The following PCDH9 variants were observed in gnomAD, a reference collection of about 807,000 sequenced individuals.
PCDH9 encodes the protein protocadherin 9, also known as protocadherin-9.
A neutral mutation model predicts 70.6 loss-of-function variants in PCDH9; 24 were observed. The ratio of observed to expected loss-of-function variants is 0.34; its 90% CI spans 0.25 to 0.48. The LOEUF (loss-of-function observed/expected upper bound fraction) is 0.48, where lower values mean the gene tolerates loss of function less well. Ranked by LOEUF, PCDH9 falls within the 20% of genes least tolerant of loss-of-function variation. The pLI is 0.99. For synonymous variants in PCDH9, 562 were observed against 558.5 expected (o/e 1.01, Z -0.09); for missense variants, 1,281 against 1,503.6 (o/e 0.85, Z 2.45).
chr13:67,020,924 G>A (rs563948110), intron 2 of PCDH9, among the ~76,000 whole-genome samples: 3 of 152,308 alleles, frequency 2.0e-5, no homozygotes, highest in Non-Finnish European at 4.4e-5. Flanking sequence ...TAGAACACCA[G>A]TGAAAATTTG....
chr13:66,970,425 T>G (rs535011468), intron 2 of PCDH9, among the ~76,000 whole-genome samples: 6 of 151,616 alleles, frequency 4.0e-5, no homozygotes, highest in African/African-American at 1.5e-4. Context: ...GGCCAGGAGT[T>G]CAAGACCAGC....
intron 3 of PCDH9, among the ~76,000 whole-genome samples, chr13:66,794,250 A>G (rs1190102086): frequency 2.0e-5 from 3 of 152,122 alleles, no homozygotes; most frequent in Non-Finnish European, 1.5e-5. Flanking sequence ...GAAGGAAGGA[A>G]GAAAGGCAAG....
chr13:66,623,742 A>T (rs2077463816), intron 4 of PCDH9, among the ~76,000 whole-genome samples: 1 of 152,194 alleles, frequency 6.6e-6, no homozygotes, highest in Non-Finnish European at 1.5e-5. Flanking sequence ...CCCGAGTCAT[A>T]CTCAGCAGTT....
chr13:66,910,652 T>G (rs1428868890), intron 2 of PCDH9, among the ~76,000 whole-genome samples: 1 of 152,182 alleles, frequency 6.6e-6, no homozygotes, highest in Non-Finnish European at 1.5e-5. Flanking sequence ...TTTTCTTTGT[T>G]TAGAAATTCT....
At chr13:66,730,911 A>C (rs1485875011) in intron 3 of PCDH9, among the ~76,000 whole-genome samples, 1 of 94,176 alleles carries the variant, frequency 1.1e-5, no homozygotes, top group African/African-American at 4.8e-5. Context: ...TTTTGTGGAG[A>C]CAGAGGTCTC....
At chr13:66,603,755 G>A (rs776619423) in intron 4 of PCDH9, among the ~76,000 whole-genome samples, 7 of 151,852 alleles carry the variant, frequency 4.6e-5, no homozygotes, top group Non-Finnish European at 1.0e-4. Context: ...TGATGTAAGA[G>A]TTTTACATTT....
At chr13:66,981,819 GC>G (rs2083776896) in intron 2 of PCDH9, among the ~76,000 whole-genome samples, 2 of 152,106 alleles carry the variant, frequency 1.3e-5, no homozygotes, top group African/African-American at 4.8e-5. Flanking sequence ...ATACTGAAGA[GC>G]AAAGTTGAAA....
chr13:66,728,405 A>T (rs965362396), intron 3 of PCDH9, among the ~76,000 whole-genome samples: 2 of 152,138 alleles, frequency 1.3e-5, no homozygotes, highest in African/African-American at 2.4e-5. Context: ...GCTGAAATTT[A>T]AAAAAATGTA....
chr13:66,560,154 T>A (rs1026138095), intron 4 of PCDH9, among the ~76,000 whole-genome samples: 1 of 152,040 alleles, frequency 6.6e-6, no homozygotes, highest in African/African-American at 2.4e-5. Flanking sequence ...TACCAACAGA[T>A]AAAGAGCCTT....
Position 66,436,185 on chromosome 13 carries a change from T to C in PCDH9, c.3341-131157A>G, listed in dbSNP as rs115945031. ...AAGTTCATTGCCATTGTGGCACTGT[T>C]AGGAGGTGGGACATCTGGGAGGTGA... On this transcript the variant is annotated intron_variant, in intron 4 of 4. Coordinates refer to ENST00000377865, the MANE Select transcript of PCDH9 (RefSeq NM_203487.3). Among the ~76,000 whole-genome samples, 1,294 of 152,284 alleles carry C rather than the reference T, an allele frequency of 8.5e-3. 19 individuals carry two copies. Among genetic ancestry groups the C allele is most frequent in the African/African-American group, 0.03 (1,248 of 41,558 alleles).
intron 2 of PCDH9, among the ~76,000 whole-genome samples, chr13:67,093,493 A>C (rs915057569): frequency 6.6e-6 from 1 of 152,060 alleles, no homozygotes; most frequent in Non-Finnish European, 1.5e-5. Flanking sequence ...AAACGAGCAA[A>C]ATTAAGATTG....
chr13:66,337,787 C>T (rs9564311), intron 4 of PCDH9, among the ~76,000 whole-genome samples: 6,288 of 151,982 alleles, frequency 0.041, 422 homozygotes, highest in East Asian at 0.32. Context: ...AATGAGATCT[C>T]GTGTTTATTT....
intron 4 of PCDH9, among the ~76,000 whole-genome samples, chr13:66,316,687 A>C (rs975469951): frequency 3.0e-4 from 46 of 152,228 alleles, no homozygotes; most frequent in African/African-American, 1.0e-3. Context: ...CCACCTTTAA[A>C]AATAATGATA....
intron 2 of PCDH9, among the ~76,000 whole-genome samples, chr13:67,039,971 G>C (rs181835144): frequency 6.6e-6 from 1 of 152,018 alleles, no homozygotes; most frequent in East Asian, 1.9e-4. Context: ...TGTTTACAAA[G>C]TTGAGAATTG....
intron 2 of PCDH9, among the ~76,000 whole-genome samples, chr13:67,181,785 T>C (rs2088622739): frequency 6.6e-6 from 1 of 152,126 alleles, no homozygotes; most frequent in Non-Finnish European, 1.5e-5. Context: ...CACTACAAAA[T>C]AAGTTGTTTC....
At chr13:66,593,205 T>A (rs1278841367) in intron 4 of PCDH9, among the ~76,000 whole-genome samples, 8 of 151,782 alleles carry the variant, frequency 5.3e-5, no homozygotes, top group African/African-American at 1.7e-4. Context: ...TACGTATAGA[T>A]GCCTGATTGA....
intron 4 of PCDH9, among the ~76,000 whole-genome samples, chr13:66,454,604 T>C (rs1414987029): frequency 1.3e-5 from 2 of 152,212 alleles, no homozygotes; most frequent in African/African-American, 4.8e-5. Context: ...CATGGAGGAC[T>C]TGAATGGAAG....
chr13:67,158,223 C>A (rs967888872), intron 2 of PCDH9, among the ~76,000 whole-genome samples: 29 of 152,160 alleles, frequency 1.9e-4, no homozygotes, highest in African/African-American at 6.5e-4. Context: ...ACATATGCAT[C>A]CTCATTTTGC....
At chr13:66,774,983 T>A (rs1237665488) in intron 3 of PCDH9, among the ~76,000 whole-genome samples, 1 of 152,220 alleles carries the variant, frequency 6.6e-6, no homozygotes, top group Admixed American at 6.5e-5. Context: ...GACATTGAAA[T>A]CTATTATAAT....
Sources: gnomAD v4.1 joint callset for allele counts (sites outside exome capture counted in the v4.1 genomes callset) on GRCh38, gnomAD v4.1.1 for gene constraint, MANE v1.5 for transcripts, NCBI Gene and HGNC (gene_info 2026-07-23, HGNC 2026-07-21) for gene names.